ABCC2: variants seen among roughly 807,000 people sequenced by gnomAD.
The protein encoded by ABCC2 is ATP binding cassette subfamily C member 2, also known as ATP-binding cassette sub-family C member 2.
Under a neutral mutation model 173.4 loss-of-function variants are expected in ABCC2, and 157 were observed. The ratio of observed to expected loss-of-function variants is 0.91; its 90% confidence interval spans 0.80 to 1.03. The LOEUF is 1.03. ABCC2 is among the 50% of genes least tolerant of loss of function. The pLI is 0.00. For missense variants in ABCC2, 1,822 were observed against 1,852.3 expected (o/e 0.98, Z 0.30); for synonymous variants, 657 against 693.5 (o/e 0.95, Z 0.83).
chr10:99,836,309 A>T lies in ABCC2; in HGVS notation c.3614+19A>T, dbSNP rs765649648. On this transcript the variant is annotated intron_variant, in intron 25 of 31. Transcript: ENST00000647814. ...CCAACAGGTGAGGCTTCCCCTGGGTATTTACCCATGTGTGTACTTTGGGGT... is the reference window on the plus strand; with the variant it reads ...CCAACAGGTGAGGCTTCCCCTGGGTTTTTACCCATGTGTGTACTTTGGGGT... 8.1e-6 allele frequency: 13 copies of T among 1,613,116 alleles called. No homozygotes were observed. In the Middle Eastern group the frequency reaches 6.6e-4, roughly 82 times the overall value.
In ABCC2 at chr10:99,804,186, G is replaced by A. The variant is rs2133017910; in HGVS notation, c.1377G>A (p.Leu459=). 1 of 1,614,074 alleles carries A rather than the reference G, an allele frequency of 6.2e-7. No homozygotes were observed. The highest frequency in any genetic ancestry group is 8.5e-7 in the Non-Finnish European group (1 of 1,180,002). The change falls in exon 10 of 32, where the codon TTG becomes TTA. Residue 459 remains leucine, a synonymous_variant. Coordinates refer to ENST00000647814, the MANE Select transcript of ABCC2 (RefSeq NM_000392.5). ...CTATCTTCTTCCTATGGAGAGAGTT[G>A]GGACCCTCAGTCTTAGCAGGTGTTG... The part of the protein sequence containing the change: ...VLSIFFLWRE[L]GPSVLAGVGV...
intron 30 of ABCC2, among the ~76,000 whole-genome samples, chr10:99,848,792 T>C (rs2039051927): frequency 1.3e-5 from 2 of 152,242 alleles, no homozygotes; most frequent in South Asian, 4.1e-4. Context: ...GTGATTTTAG[T>C]GTGTAGCCCC....
At chr10:99,794,367 T>C (rs1410368808) in intron 5 of ABCC2, 46 bp from the exon 6 acceptor site, 1 of 1,534,572 alleles carries the variant, frequency 6.5e-7, no homozygotes, top group South Asian at 1.1e-5. Context: ...CCCATGAAGT[T>C]CCTGTCTCCA....
chr10:99,829,159 G>C (rs1225034038), intron 19 of ABCC2, among the ~76,000 whole-genome samples: 1 of 152,148 alleles, frequency 6.6e-6, no homozygotes, highest in East Asian at 1.9e-4. Flanking sequence ...GAGAATTCCA[G>C]ATAGGTGAGA....
At chr10:99,850,553 T>C (rs2039073565) in intron 30 of ABCC2, 49 bp from the exon 31 acceptor site, 1 of 1,596,538 alleles carries the variant, frequency 6.3e-7, no homozygotes, top group Non-Finnish European at 8.6e-7. Context: ...GCCCTGCGTC[T>C]TTCCTTGGTC....
At position 99,782,683 on chromosome 10, in the gene ABCC2, C is replaced by G; in HGVS notation, c.-162C>G. The stretch of plus-strand genomic sequence containing the variant: ...TGTTTCAATGTAACATGCATCTAGG[C>G]AAGGTTAACGATTAAATGGTTGGGA... On this transcript the variant is annotated 5_prime_UTR_variant, in exon 1 of 32. Transcript: ENST00000647814. 1 of 811,988 alleles carries G rather than the reference C, an allele frequency of 1.2e-6. No homozygotes were observed. The highest frequency in any genetic ancestry group is 2.2e-5 in the Admixed American group (1 of 45,978). The allele number at this position is 811,988 out of a possible 1,614,324, so 50.3% of individuals were successfully genotyped here. A position where few individuals can be genotyped will look rare whatever the true frequency, so the allele number is the denominator to read the frequency against.
At chr10:99,811,000 G>C (rs951000319) in intron 14 of ABCC2, among the ~76,000 whole-genome samples, 1 of 151,834 alleles carries the variant, frequency 6.6e-6, no homozygotes, top group Non-Finnish European at 1.5e-5. Flanking sequence ...CTCCAGCCTA[G>C]GCAACAAGAG....
At chr10:99,803,960 TCTA>T in intron 9 of ABCC2, 56 bp from the exon 10 acceptor site, 5 of 1,608,926 alleles carry the variant, frequency 3.1e-6, no homozygotes, top group Non-Finnish European at 4.3e-6. Context: ...AGCTTCCTCT[TCTA>T]CTCCCTAGTA....
Position 99,842,629 on chromosome 10 carries a change from G to GT in ABCC2, c.3741+537dup, listed in dbSNP as rs1216394927. On this transcript the variant is annotated intron_variant, in intron 26 of 31. Transcript: ENST00000647814. ...ACCTAAGACAGTGGCTGGCACTACC[G>GT]TAATTATTCAATCAATATTTGTTAT... 2.0e-5 allele frequency among the ~76,000 whole-genome samples: 3 copies of GT among 152,202 alleles called. No individual in the cohort carries two copies. The East Asian group carries it at 5.8e-4, about 29-fold the overall frequency.
intron 29 of ABCC2, 65 bp downstream of exon 29, chr10:99,845,847 C>A: frequency 6.6e-7 from 1 of 1,514,392 alleles, no homozygotes; most frequent in Non-Finnish European, 9.0e-7. Context: ...GAAACATATG[C>A]AGCTTCTTCT....
At chr10:99,835,931 C>T (rs1008517878) in intron 24 of ABCC2, among the ~76,000 whole-genome samples, 160 bp from the exon 25 acceptor site, 3 of 152,158 alleles carry the variant, frequency 2.0e-5, no homozygotes, top group African/African-American at 7.2e-5. Context: ...CGGAGCCTCT[C>T]ATCATTCTGC....
chr10:99,793,915 C>T lies in ABCC2; in HGVS notation c.492C>T (p.Tyr164=), dbSNP rs374953467. ...AGGGTGACAATTCTAATCTAGCCTA[C>T]TCCTGCCTGTTCTTCATCTCCTACG... ...LLQGDNSNLA[Y]SCLFFISYGF... is the part of the protein sequence containing the mutation. Residue 164 remains tyrosine (Y), a synonymous_variant, in exon 5 of 32, where the codon TAC becomes TAT. Coordinates refer to ENST00000647814, the MANE Select transcript of ABCC2 (RefSeq NM_000392.5). 7.4e-6 allele frequency: 12 copies of T among 1,613,974 alleles called. No homozygotes were observed. The highest frequency in any genetic ancestry group is 1.0e-5 in the Non-Finnish European group (12 of 1,179,904).
At chr10:99,794,323 A>C in intron 5 of ABCC2, 90 bp from the exon 6 acceptor site, 2 of 1,203,512 alleles carry the variant, frequency 1.7e-6, no homozygotes, top group Non-Finnish European at 2.4e-6. Context: ...GCACAACATT[A>C]TATCATTAAA....
intron 3 of ABCC2, 79 bp from the exon 4 acceptor site, chr10:99,793,472 A>G (rs1179389738): frequency 9.4e-6 from 15 of 1,593,538 alleles, no homozygotes; most frequent in South Asian, 5.5e-5. Context: ...CTTTCTTCCC[A>G]TGTTCTCTGA....
chr10:99,783,592 C>G (rs935409621), intron 1 of ABCC2, among the ~76,000 whole-genome samples: 2 of 152,156 alleles, frequency 1.3e-5, no homozygotes, highest in Admixed American at 1.3e-4. Flanking sequence ...CTAGCCTCAG[C>G]ATCAGAATCA....
At chr10:99,851,470 T>C (rs2039086844) in intron 31 of ABCC2, 32 bp from the exon 32 acceptor site, 1 of 1,613,790 alleles carries the variant, frequency 6.2e-7, no homozygotes, top group South Asian at 1.1e-5. Context: ...TGCTGCTTTC[T>C]AAGACTTTTA....
chr10:99,823,684 G>A (rs370918880), intron 19 of ABCC2, among the ~76,000 whole-genome samples: 34 of 131,570 alleles, frequency 2.6e-4, no homozygotes, highest in African/African-American at 3.4e-4. Flanking sequence ...AAAGGTTCAC[G>A]TCTGGTAATT....
intron 6 of ABCC2, 25 bp downstream of exon 6, chr10:99,794,493 G>A: frequency 6.3e-7 from 1 of 1,592,058 alleles, no homozygotes; most frequent in South Asian, 1.1e-5. Flanking sequence ...AGTATGGATT[G>A]GCTGTATCCT....
At chr10:99,839,080 A>T in intron 25 of ABCC2, among the ~76,000 whole-genome samples, 1 of 115,888 alleles carries the variant, frequency 8.6e-6, no homozygotes, top group Admixed American at 8.6e-5. Context: ...CTGGCCGGGC[A>T]GGGGGGCAGA....
Sources: allele counts gnomAD v4.1 joint callset (sites outside exome capture counted in the v4.1 genomes callset), GRCh38; gene constraint gnomAD v4.1.1; transcripts MANE v1.5; gene names NCBI Gene and HGNC (gene_info 2026-07-23, HGNC 2026-07-21).